FAM222B: variants seen among roughly 807,000 people sequenced by gnomAD.
FAM222B encodes protein FAM222B.
A neutral mutation model predicts 38.0 loss-of-function variants in FAM222B; 12 were observed. The observed-to-expected ratio is 0.32, with a 90% CI of 0.20 to 0.51. The LOEUF (loss-of-function observed/expected upper bound fraction) is 0.51, where lower values mean the gene tolerates loss of function less well. Among genes scored for constraint, FAM222B ranks in the 20% least tolerant of loss-of-function variants. The probability of loss-of-function intolerance (pLI) is 0.97; values close to 1 mark genes in which losing one functional copy is unlikely to be tolerated. For synonymous variants in FAM222B, 329 were observed against 317.2 expected (o/e 1.04, Z -0.40); for missense variants, 716 against 754.2 (o/e 0.95, Z 0.59).
upstream of FAM222B, chr17:28,842,802 C>T (rs2152633679): frequency 6.5e-6 from 1 of 152,848 alleles, no homozygotes; most frequent in African/African-American, 2.4e-5. Flanking sequence ...CCCGGAGCCG[C>T]TCCTGCGCCT....
intron 1 of FAM222B, among the ~76,000 whole-genome samples, chr17:28,814,282 A>G (rs767742061): frequency 5.3e-5 from 8 of 152,150 alleles, no homozygotes; most frequent in Non-Finnish European, 1.0e-4. Flanking sequence ...ATAACATTAA[A>G]TATCTACATC....
chr17:28,785,811 G>A (rs1385467056), intron 1 of FAM222B, among the ~76,000 whole-genome samples: 1 of 151,478 alleles, frequency 6.6e-6, no homozygotes, highest in African/African-American at 2.4e-5. Flanking sequence ...AGGTTCAAAC[G>A]ATTCTCCTGC....
At position 28,759,498 on chromosome 17, in the gene FAM222B, CG is replaced by C; in HGVS notation, c.460del (p.Arg154AlafsTer89). On this transcript the variant is annotated frameshift_variant, in exon 3 of 3. Transcript: ENST00000581407. LOFTEE classifies it high-confidence loss of function. This position sits in a 1 kb window ranked among gnomAD's most constrained non-coding sequence, Gnocchi z 4.8. The part of the protein sequence containing the change: ...LAHPQAQALA[R>X]QQALQHAQTL... ...CTGTGCATGCTGCAGGGCCTGCTGG[CG>C]GGCCAGAGCCTGGGCCTGGGGGTGG... The C allele has an allele frequency of 7.6e-7, 1 of 1,308,340 alleles. No individual in the cohort carries two copies. Among genetic ancestry groups the C allele is most frequent in the Non-Finnish European group, 1.0e-6 (1 of 985,448 alleles). The allele number at this position is 1,308,340 out of a possible 1,614,324, so 81.0% of individuals were successfully genotyped here.
chr17:28,793,076 C>T (rs1040138271), intron 1 of FAM222B, among the ~76,000 whole-genome samples: 2 of 152,036 alleles, frequency 1.3e-5, no homozygotes, highest in African/African-American at 4.8e-5. Flanking sequence ...GTTGGGACTA[C>T]AAGCATGCAC....
intron 2 of FAM222B, among the ~76,000 whole-genome samples, chr17:28,760,532 A>G (rs1363865040): frequency 6.6e-6 from 1 of 152,012 alleles, no homozygotes; most frequent in East Asian, 1.9e-4. Context: ...GTGAGCCGAC[A>G]TCGCACCACT....
chr17:28,824,393 C>G (rs544079036), intron 1 of FAM222B, among the ~76,000 whole-genome samples: 2 of 151,788 alleles, frequency 1.3e-5, no homozygotes, highest in East Asian at 3.9e-4. Context: ...TCTATCTTGC[C>G]GAGGCTCGTC....
chr17:28,853,441 G>A (rs1253000765), intron 1 of FAM222B, among the ~76,000 whole-genome samples: 2 of 151,970 alleles, frequency 1.3e-5, no homozygotes, highest in East Asian at 1.9e-4. Flanking sequence ...TCTTCCCAGG[G>A]AATTTAGATA....
chr17:28,837,491 C>CATTTAATACAAAT (rs1168611440), intron 1 of FAM222B, among the ~76,000 whole-genome samples: 99 of 151,832 alleles, frequency 6.5e-4, no homozygotes, highest in Non-Finnish European at 1.1e-3. Context: ...TCTGATTACC[C>CATTTAATACAAAT]CTCCTTGTAT....
At position 28,841,849 on chromosome 17, in the gene FAM222B, T is replaced by C. The variant is rs2039048264; in HGVS notation, c.-41+833A>G. Among the ~76,000 whole-genome samples the C allele has an allele frequency of 1.3e-5, 2 of 152,180 alleles. 1 individual carries two copies. The highest frequency in any genetic ancestry group is 4.1e-4 in the South Asian group (2 of 4,832). On this transcript the variant is annotated intron_variant, in intron 1 of 2. Transcript: ENST00000581407. ...TTTCCTACAGAAGTCTGATGGCTAA[T>C]TTATCACATTACAGAACTGGTAGTT...
At chr17:28,845,843 C>T (rs1235730582), upstream of FAM222B, among the ~76,000 whole-genome samples, 1 of 151,394 alleles carries the variant, frequency 6.6e-6, no homozygotes, top group Non-Finnish European at 1.5e-5. Flanking sequence ...TGTAGTGAGC[C>T]AAGATTGCGC....
chr17:28,773,852 T>G (rs955993550), intron 1 of FAM222B, among the ~76,000 whole-genome samples: 1 of 151,608 alleles, frequency 6.6e-6, no homozygotes, highest in Non-Finnish European at 1.5e-5. Context: ...GAAGACTTCC[T>G]CCAGTACTAA....
At chr17:28,810,993 G>A (rs2037732919) in intron 1 of FAM222B, among the ~76,000 whole-genome samples, 1 of 151,996 alleles carries the variant, frequency 6.6e-6, no homozygotes, top group African/African-American at 2.4e-5. Context: ...TACAACAATC[G>A]TGGGAAACTG....
chr17:28,797,367 G>T (rs2036991716), intron 1 of FAM222B, among the ~76,000 whole-genome samples: 1 of 152,056 alleles, frequency 6.6e-6, no homozygotes, highest in African/African-American at 2.4e-5. Context: ...ATCATATAAA[G>T]GAGGAAGCAG....
chr17:28,760,254 G>A (rs1179282130), intron 2 of FAM222B, among the ~76,000 whole-genome samples: 2 of 152,092 alleles, frequency 1.3e-5, no homozygotes, highest in Non-Finnish European at 2.9e-5. Context: ...TCTCAGAGAG[G>A]TAACCGAGAG....
chr17:28,836,180 G>C (rs1274912036), intron 1 of FAM222B, among the ~76,000 whole-genome samples: 1 of 151,426 alleles, frequency 6.6e-6, no homozygotes, highest in Admixed American at 6.6e-5. Flanking sequence ...AGAAGAGATG[G>C]GGTTTCACCA....
rs2038403206 is a variant in FAM222B at position 28,825,407 on chromosome 17, C to G, written c.-41+17275G>C. Among the ~76,000 whole-genome samples the G allele has an allele frequency of 2.1e-5, 3 of 141,472 alleles. 1 individual carries two copies. The South Asian group carries it at 6.9e-4, about 33-fold the overall frequency. 92.8% of individuals were successfully genotyped at this position (141,472 alleles called of 152,430 possible). The stretch of plus-strand genomic sequence containing the variant: ...CAAGATTGCACCACTGCACTCCAAC[C>G]TAGGTGACAGAGTGAGATCCCGTCT... On this transcript the variant is annotated intron_variant, in intron 1 of 2. Transcript: ENST00000581407.
intron 1 of FAM222B, among the ~76,000 whole-genome samples, chr17:28,792,767 C>T (rs1211890770): frequency 2.8e-5 from 4 of 141,004 alleles, no homozygotes; most frequent in Non-Finnish European, 6.0e-5. Flanking sequence ...GGTGACAGAG[C>T]GAGGCCCTAT....
At chr17:28,796,346 T>C (rs966782173) in intron 1 of FAM222B, among the ~76,000 whole-genome samples, 3 of 152,242 alleles carry the variant, frequency 2.0e-5, no homozygotes, top group Non-Finnish European at 2.9e-5. Context: ...GCTCTCATGG[T>C]TTCCCCACTG....
At chr17:28,769,680 AC>A (rs2035529442) in intron 1 of FAM222B, among the ~76,000 whole-genome samples, 1 of 152,096 alleles carries the variant, frequency 6.6e-6, no homozygotes, top group Non-Finnish European at 1.5e-5. Flanking sequence ...CCTAACATGG[AC>A]CCCAAGGCCC....
Sources: allele counts gnomAD v4.1 joint callset (sites outside exome capture counted in the v4.1 genomes callset), GRCh38; gene constraint gnomAD v4.1.1; non-coding constraint Gnocchi (gnomAD v3.1); transcripts MANE v1.5; gene names NCBI Gene and HGNC (gene_info 2026-07-23, HGNC 2026-07-21).